The following GPC5 variants were observed in gnomAD, a reference collection of about 807,000 sequenced individuals.
The protein encoded by GPC5 is glypican-5.
In GPC5, 47 loss-of-function variants were observed where a neutral mutation model predicts 53.9. That is an observed-to-expected ratio of 0.87 (90% CI 0.69 to 1.11). The LOEUF (loss-of-function observed/expected upper bound fraction) is 1.11, where lower values mean the gene tolerates loss of function less well. Ranked by LOEUF, GPC5 falls within the 50% of genes most tolerant of loss-of-function variation. The pLI is 0.00. For missense variants in GPC5, 748 were observed against 713.1 expected (o/e 1.05, Z -0.56); for synonymous variants, 286 against 263.3 (o/e 1.09, Z -0.84).
At chr13:91,484,638 G>A (rs1217947683) in intron 2 of GPC5, among the ~76,000 whole-genome samples, 1 of 152,100 alleles carries the variant, frequency 6.6e-6, no homozygotes, top group Non-Finnish European at 1.5e-5. Flanking sequence ...ATTTGAAAGA[G>A]GAGTTGGAGA....
intron 7 of GPC5, among the ~76,000 whole-genome samples, chr13:92,785,203 G>C (rs1876175682): frequency 6.6e-6 from 1 of 152,132 alleles, no homozygotes; most frequent in South Asian, 2.1e-4. Flanking sequence ...TTGAACCCGG[G>C]AGGCAGAGGT....
chr13:92,605,422 A>C (rs972286632), intron 7 of GPC5, among the ~76,000 whole-genome samples: 1 of 152,174 alleles, frequency 6.6e-6, no homozygotes, highest in Admixed American at 6.5e-5. Context: ...TAAATTATGT[A>C]TGATGTTTTA....
chr13:91,505,877 C>T (rs1000894706), intron 2 of GPC5, among the ~76,000 whole-genome samples: 4 of 152,140 alleles, frequency 2.6e-5, no homozygotes, highest in African/African-American at 7.2e-5. Context: ...TCTTCTCAAA[C>T]GCTGTCCTTT....
At chr13:91,623,414 G>A (rs759868434) in intron 2 of GPC5, among the ~76,000 whole-genome samples, 2 of 152,030 alleles carry the variant, frequency 1.3e-5, no homozygotes, top group Non-Finnish European at 2.9e-5. Context: ...ACCCAGAAGG[G>A]GATGAGGGCA....
intron 4 of GPC5, among the ~76,000 whole-genome samples, chr13:91,732,046 C>T (rs549908157): frequency 2.6e-5 from 4 of 152,244 alleles, no homozygotes; most frequent in South Asian, 4.1e-4. Context: ...TGGGTATATA[C>T]CCAGTAGTGG....
At chr13:91,996,752 T>C (rs1252206959) in intron 6 of GPC5, among the ~76,000 whole-genome samples, 2 of 152,236 alleles carry the variant, frequency 1.3e-5, no homozygotes, top group Admixed American at 6.5e-5. Flanking sequence ...TTGTTAATTT[T>C]AAAACACTGT....
At chr13:91,412,553 C>T (rs1333189715) in intron 1 of GPC5, among the ~76,000 whole-genome samples, 7 of 151,936 alleles carry the variant, frequency 4.6e-5, no homozygotes, top group Non-Finnish European at 1.0e-4. Flanking sequence ...CACAAATATA[C>T]CATGTGAAAT....
chr13:91,635,511 T>G (rs770732812), intron 2 of GPC5, among the ~76,000 whole-genome samples: 9 of 152,124 alleles, frequency 5.9e-5, no homozygotes, highest in South Asian at 4.1e-4. Context: ...GGGCATGTTT[T>G]CATCATCAGC....
At chr13:92,349,419 A>T (rs1482978995) in intron 7 of GPC5, among the ~76,000 whole-genome samples, 3 of 150,314 alleles carry the variant, frequency 2.0e-5, no homozygotes, top group African/African-American at 7.3e-5. Flanking sequence ...TGCTAGGATT[A>T]CAGGTGTTAG....
At chr13:91,456,166 G>C (rs764442772) in intron 2 of GPC5, among the ~76,000 whole-genome samples, 1 of 152,036 alleles carries the variant, frequency 6.6e-6, no homozygotes, top group African/African-American at 2.4e-5. Context: ...AGGGCTCTGA[G>C]GATGAATGTA....
chr13:92,284,196 T>C (rs2042936775), intron 7 of GPC5, among the ~76,000 whole-genome samples: 1 of 152,088 alleles, frequency 6.6e-6, no homozygotes, highest in African/African-American at 2.4e-5. Flanking sequence ...CAGGAAGAAG[T>C]TGAATCCCTG....
At chr13:91,852,264 A>C (rs2038922815) in intron 5 of GPC5, among the ~76,000 whole-genome samples, 1 of 146,830 alleles carries the variant, frequency 6.8e-6, no homozygotes, top group African/African-American at 2.6e-5. Flanking sequence ...TATTTTGTTA[A>C]AAACTAAGAC....
intron 6 of GPC5, among the ~76,000 whole-genome samples, chr13:92,031,862 T>TTAC (rs1566403474): frequency 2.9e-5 from 3 of 103,268 alleles, no homozygotes; most frequent in African/African-American, 1.2e-4. Flanking sequence ...ATATAATATA[T>TTAC]ATATTATATA....
At chr13:92,400,194 G>A (rs1478053018) in intron 7 of GPC5, among the ~76,000 whole-genome samples, 2 of 152,158 alleles carry the variant, frequency 1.3e-5, no homozygotes, top group Non-Finnish European at 2.9e-5. Context: ...AAAGCATAAA[G>A]CGGCACTAAT....
chr13:91,696,744 C>T (rs912649564), intron 3 of GPC5, among the ~76,000 whole-genome samples: 4 of 152,112 alleles, frequency 2.6e-5, no homozygotes, highest in Admixed American at 2.6e-4. Context: ...TGAGAAAAAT[C>T]ATAAGTACCT....
chr13:92,724,524 T>G (rs1376041528), intron 7 of GPC5, among the ~76,000 whole-genome samples: 2 of 151,604 alleles, frequency 1.3e-5, no homozygotes, highest in African/African-American at 4.8e-5. Context: ...TGGAGTATTA[T>G]TCAGCCTTAC....
At chr13:91,768,046 T>C (rs1320119199) in intron 5 of GPC5, among the ~76,000 whole-genome samples, 3 of 152,184 alleles carry the variant, frequency 2.0e-5, no homozygotes, top group Non-Finnish European at 4.4e-5. Context: ...GTAAGTTTGC[T>C]AAACTACAAA....
At chr13:91,631,276 T>C (rs1203705517) in intron 2 of GPC5, among the ~76,000 whole-genome samples, 1 of 152,150 alleles carries the variant, frequency 6.6e-6, no homozygotes, top group African/African-American at 2.4e-5. Context: ...CCAGTTACCT[T>C]CACACCTTAG....
rs150631530 is a variant in GPC5, at chr13:92,335,933, A to T, written c.1561+190944A>T. ...CCCTCCAAGTCTCTATGAAGTTCCA[A>T]ACTTTCCCACATTTTCCTATCTTCT... On this transcript the variant is annotated intron_variant, in intron 7 of 7. Coordinates refer to ENST00000377067, the MANE Select transcript of GPC5 (RefSeq NM_004466.6). Among the ~76,000 whole-genome samples the T allele has an allele frequency of 7.7e-3, 1,178 of 152,198 alleles. 11 individuals carry two copies. Among genetic ancestry groups the T allele is most frequent in the Middle Eastern group, 0.068 (20 of 294 alleles).
Sources: gnomAD v4.1 joint callset for allele counts (sites outside exome capture counted in the v4.1 genomes callset) on GRCh38, gnomAD v4.1.1 for gene constraint, MANE v1.5 for transcripts, NCBI Gene and HGNC (gene_info 2026-07-23, HGNC 2026-07-21) for gene names.